Variants in CRISPLD2 observed in about 807,000 individuals in gnomAD.
The protein encoded by CRISPLD2 is cysteine-rich secretory protein LCCL domain-containing 2.
A neutral mutation model predicts 71.1 loss-of-function variants in CRISPLD2; 47 were observed. The ratio of observed to expected loss-of-function variants is 0.66; its 90% CI spans 0.52 to 0.84. CRISPLD2 has a LOEUF of 0.84. Among genes scored for constraint, CRISPLD2 ranks in the 40% least tolerant of loss-of-function variants. The pLI is 0.00. For missense variants in CRISPLD2, 830 were observed against 651.1 expected, an observed-to-expected ratio of 1.27 and a Z score of -2.99; for synonymous variants, 317 against 250.1, an observed-to-expected ratio of 1.27 and a Z score of -2.52.
rs929346941 is a variant in CRISPLD2 at position 84,882,654 on chromosome 16, C to T, written c.1305+2070C>T. 2.0e-5 allele frequency among the ~76,000 whole-genome samples: 3 copies of T among 152,236 alleles called. No individual in the cohort carries two copies. In the South Asian group the frequency reaches 6.2e-4, roughly 32 times the overall value. On this transcript the variant is annotated intron_variant, in intron 13 of 14. Coordinates refer to ENST00000262424, the MANE Select transcript of CRISPLD2 (RefSeq NM_031476.4). ...CCCTGACCTCAGGTGATCCACCCACCTTGGCTTCCCAAAGTGTTGGGATTA... is the reference window on the plus strand; with the variant it reads ...CCCTGACCTCAGGTGATCCACCCACTTTGGCTTCCCAAAGTGTTGGGATTA...
chr16:84,848,985 C>CA (rs11389223), intron 3 of CRISPLD2, among the ~76,000 whole-genome samples: 65,789 of 106,432 alleles, frequency 0.62, 19,801 homozygotes, highest in Middle Eastern at 0.74. Context: ...GACTCCGTCT[C>CA]AAAAAAAAAA....
intron 7 of CRISPLD2, among the ~76,000 whole-genome samples, 177 bp from the exon 8 acceptor site, chr16:84,868,674 G>A (rs141468587): frequency 8.4e-4 from 128 of 152,364 alleles, no homozygotes; most frequent in Admixed American, 1.5e-3. Flanking sequence ...ACTGTAAAGC[G>A]GTGGGCCTGG....
chr16:84,892,400 C>T (rs1009295703), intron 14 of CRISPLD2, among the ~76,000 whole-genome samples: 1 of 152,228 alleles, frequency 6.6e-6, no homozygotes, highest in African/African-American at 2.4e-5. Flanking sequence ...CCCACCCTTG[C>T]TCCAGCCTGG....
intron 8 of CRISPLD2, among the ~76,000 whole-genome samples, chr16:84,871,004 G>A (rs957649762): frequency 2.6e-5 from 4 of 152,178 alleles, no homozygotes; most frequent in African/African-American, 9.6e-5. Context: ...GCTGCAATGA[G>A]CCGAGGTGTA....
At chr16:84,853,164 G>C (rs1917135912) in intron 5 of CRISPLD2, among the ~76,000 whole-genome samples, 1 of 152,170 alleles carries the variant, frequency 6.6e-6, no homozygotes, top group African/African-American at 2.4e-5. Flanking sequence ...GAGCGTCAGT[G>C]GTGTGGTTTG....
At chr16:84,827,914 C>A in intron 1 of CRISPLD2, among the ~76,000 whole-genome samples, 1 of 152,160 alleles carries the variant, frequency 6.6e-6, no homozygotes, top group East Asian at 1.9e-4. Context: ...CCGTCTACCC[C>A]AACCAGAGTG....
chr16:84,897,818 T>C (rs2071719563), intron 14 of CRISPLD2, among the ~76,000 whole-genome samples: 4 of 152,230 alleles, frequency 2.6e-5, no homozygotes, highest in Admixed American at 2.6e-4. Context: ...GGTTTCGCCA[T>C]GTTGGCCAGG....
intron 7 of CRISPLD2, among the ~76,000 whole-genome samples, chr16:84,867,999 G>T (rs1917589541): frequency 6.6e-6 from 1 of 152,204 alleles, no homozygotes; most frequent in African/African-American, 2.4e-5. Context: ...GCTCAGGCGG[G>T]GCTGGAGGGC....
At chr16:84,830,336 T>G (rs1352988947) in intron 1 of CRISPLD2, among the ~76,000 whole-genome samples, 4 of 152,070 alleles carry the variant, frequency 2.6e-5, no homozygotes, top group African/African-American at 9.6e-5. Flanking sequence ...AATAAATAAA[T>G]AAAATTCAGT....
chr16:84,903,921 T>A (rs1208190811), intron 14 of CRISPLD2, among the ~76,000 whole-genome samples: 1 of 152,240 alleles, frequency 6.6e-6, no homozygotes, highest in Non-Finnish European at 1.5e-5. Flanking sequence ...CTCCTGTGGC[T>A]GGAAGTTCTA....
intron 12 of CRISPLD2, 43 bp downstream of exon 12, chr16:84,877,553 A>G (rs2071530796): frequency 6.3e-7 from 1 of 1,598,226 alleles, no homozygotes; most frequent in African/African-American, 1.3e-5. Context: ...GGAAGATGTT[A>G]GAAGTAGCTT....
chr16:84,863,385 C>T (rs975199936), intron 6 of CRISPLD2, among the ~76,000 whole-genome samples: 1 of 152,232 alleles, frequency 6.6e-6, no homozygotes, highest in African/African-American at 2.4e-5. Context: ...AGCAGCTTAT[C>T]TGCAGAAGCT....
At position 84,908,117 on chromosome 16, in the gene CRISPLD2, T is replaced by C. The variant is rs1394958161; in HGVS notation, c.*1475T>C. On this transcript the variant is annotated 3_prime_UTR_variant, in exon 15 of 15. Transcript: ENST00000262424. ...TGTAGACTGGACAAGAAATTCTACC[T>C]GGGCACCTAGGTGATGCCTTCTTTC... 1.3e-5 allele frequency: 2 copies of C among 152,260 alleles called. No individual in the cohort carries two copies. The highest frequency in any genetic ancestry group is 4.8e-5 in the African/African-American group (2 of 41,478). 9.4% of individuals were successfully genotyped at this position (152,260 alleles called of 1,614,324 possible).
At chr16:84,861,740 A>G (rs1917387271) in intron 6 of CRISPLD2, among the ~76,000 whole-genome samples, 1 of 152,226 alleles carries the variant, frequency 6.6e-6, no homozygotes, top group South Asian at 2.1e-4. Context: ...CCTGGACAAC[A>G]TAGCGAGAAC....
At chr16:84,833,451 T>A (rs368429873) in intron 1 of CRISPLD2, among the ~76,000 whole-genome samples, 5 of 152,352 alleles carry the variant, frequency 3.3e-5, no homozygotes, top group East Asian at 1.9e-4. Context: ...TCATTATCAA[T>A]GAGTGGCTGA....
intron 14 of CRISPLD2, among the ~76,000 whole-genome samples, chr16:84,897,874 C>T (rs757048166): frequency 9.2e-5 from 14 of 152,236 alleles, no homozygotes; most frequent in Non-Finnish European, 1.9e-4. Flanking sequence ...GCCTTGGCCT[C>T]CCAAAATGCT....
In CRISPLD2 at chr16:84,908,169, A is replaced by G. The variant is rs2071821571; in HGVS notation, c.*1527A>G. 1 of 152,246 alleles carries G rather than the reference A, an allele frequency of 6.6e-6. No individual in the cohort carries two copies. The highest frequency in any genetic ancestry group is 1.5e-5 in the Non-Finnish European group (1 of 68,042). 9.4% of individuals were successfully genotyped at this position (152,246 alleles called of 1,614,324 possible). On this transcript the variant is annotated 3_prime_UTR_variant, in exon 15 of 15. Coordinates refer to ENST00000262424, the MANE Select transcript of CRISPLD2 (RefSeq NM_031476.4). ...TTGATTGCCTTTCTAATAAATGCAG[A>G]ATCTGAAGGTAAATAGGTTTAAAAC...
At chr16:84,858,692 A>T (rs561379934) in intron 6 of CRISPLD2, among the ~76,000 whole-genome samples, 2 of 152,226 alleles carry the variant, frequency 1.3e-5, no homozygotes, top group Non-Finnish European at 2.9e-5. Context: ...TATGACACAA[A>T]GCTGGAGAAT....
At position 84,845,917 on chromosome 16, in the gene CRISPLD2, A is replaced by C; in HGVS notation, c.359+13A>C. ...CTCACTGGGGCAGGTAAGAGCCACA[A>C]GTTCCTCTCCGGCTGCCGCAGGACC... On this transcript the variant is annotated intron_variant, in intron 3 of 14. Coordinates refer to ENST00000262424, the MANE Select transcript of CRISPLD2 (RefSeq NM_031476.4). 1 of 1,566,672 alleles carries C rather than the reference A, an allele frequency of 6.4e-7. No individual in the cohort carries two copies. Among genetic ancestry groups the C allele is most frequent in the South Asian group, 1.1e-5 (1 of 89,778 alleles).
Sources: allele counts gnomAD v4.1 joint callset (sites outside exome capture counted in the v4.1 genomes callset), GRCh38; gene constraint gnomAD v4.1.1; transcripts MANE v1.5; gene names NCBI Gene and HGNC (gene_info 2026-07-23, HGNC 2026-07-21).